ZNF385D: variants seen among roughly 807,000 people sequenced by gnomAD.
The protein encoded by ZNF385D is zinc finger protein 659.
Under a neutral mutation model 35.8 loss-of-function variants are expected in ZNF385D, and 15 were observed. The observed-to-expected ratio is 0.42, with a 90% CI of 0.28 to 0.64. ZNF385D has a LOEUF of 0.64. Among genes scored for constraint, ZNF385D ranks in the 30% least tolerant of loss-of-function variants. The probability of loss-of-function intolerance (pLI) is 0.23; values close to 1 mark genes in which losing one functional copy is unlikely to be tolerated. For synonymous variants in ZNF385D, 212 were observed against 186.8 expected, an observed-to-expected ratio of 1.13 and a Z score of -1.10; for missense variants, 474 against 494.6, an observed-to-expected ratio of 0.96 and a Z score of 0.39.
intron 3 of ZNF385D, among the ~76,000 whole-genome samples, chr3:21,852,673 T>G (rs1041344135): frequency 6.6e-6 from 1 of 151,906 alleles, no homozygotes; most frequent in Non-Finnish European, 1.5e-5. Flanking sequence ...ACAAGATGAT[T>G]ATGTCATTAC....
At chr3:21,924,670 T>C (rs972675086) in intron 3 of ZNF385D, among the ~76,000 whole-genome samples, 4 of 152,124 alleles carry the variant, frequency 2.6e-5, no homozygotes, top group African/African-American at 7.2e-5. Flanking sequence ...CATTCATCTC[T>C]ATCCAGGGAG....
At chr3:22,343,105 T>G (rs929645314) in intron 2 of ZNF385D, among the ~76,000 whole-genome samples, 2 of 152,252 alleles carry the variant, frequency 1.3e-5, no homozygotes, top group African/African-American at 4.8e-5. Flanking sequence ...GGTTAAAGTA[T>G]TTACATTTTC....
chr3:21,422,422 T>G (rs1463739676), intron 7 of ZNF385D, among the ~76,000 whole-genome samples: 1 of 152,224 alleles, frequency 6.6e-6, no homozygotes, highest in Non-Finnish European at 1.5e-5. Context: ...GGTAAATTTG[T>G]GTCATGCCTT....
intron 2 of ZNF385D, among the ~76,000 whole-genome samples, chr3:21,644,341 T>C (rs1279195590): frequency 6.6e-6 from 1 of 152,144 alleles, no homozygotes; most frequent in African/African-American, 2.4e-5. Flanking sequence ...CCAGAGACTC[T>C]CCCCATAGCT....
intron 3 of ZNF385D, among the ~76,000 whole-genome samples, chr3:22,096,677 C>G (rs571734699): frequency 6.6e-6 from 1 of 152,070 alleles, no homozygotes; most frequent in Non-Finnish European, 1.5e-5. Flanking sequence ...TGCACAATCT[C>G]TTTGTGATGC....
intron 3 of ZNF385D, among the ~76,000 whole-genome samples, chr3:21,833,727 G>A (rs1575742688): frequency 6.6e-6 from 1 of 152,238 alleles, no homozygotes; most frequent in African/African-American, 2.4e-5. Context: ...CAAATGCTAC[G>A]CTCTATAACT....
chr3:21,916,891 A>T (rs1369187711), intron 3 of ZNF385D, among the ~76,000 whole-genome samples: 1 of 152,212 alleles, frequency 6.6e-6, no homozygotes, highest in African/African-American at 2.4e-5. Flanking sequence ...GAATTACCCT[A>T]TGGAAAGATA....
At chr3:21,655,925 AT>A (rs2066057635) in intron 2 of ZNF385D, among the ~76,000 whole-genome samples, 1 of 152,064 alleles carries the variant, frequency 6.6e-6, no homozygotes, top group Non-Finnish European at 1.5e-5. Context: ...AATAATGGGT[AT>A]AAAAATGTTT....
chr3:21,794,162 C>G (rs1008195761), intron 3 of ZNF385D, among the ~76,000 whole-genome samples: 31 of 152,116 alleles, frequency 2.0e-4, no homozygotes, highest in African/African-American at 2.7e-4. Flanking sequence ...AGGAAGGCAC[C>G]TGATCTCTAC....
intron 3 of ZNF385D, among the ~76,000 whole-genome samples, chr3:22,091,631 T>A (rs1030981431): frequency 6.6e-6 from 1 of 151,970 alleles, no homozygotes; most frequent in African/African-American, 2.4e-5. Flanking sequence ...AACCCTGACA[T>A]AAATGGAAAC....
At chr3:21,603,834 A>G (rs1382881292) in intron 2 of ZNF385D, among the ~76,000 whole-genome samples, 1 of 152,142 alleles carries the variant, frequency 6.6e-6, no homozygotes, top group Non-Finnish European at 1.5e-5. Context: ...CAGGGATGGT[A>G]GAAGGATTGT....
At chr3:21,574,571 CATG>C (rs1455215756) in intron 2 of ZNF385D, among the ~76,000 whole-genome samples, 1 of 152,014 alleles carries the variant, frequency 6.6e-6, no homozygotes, top group African/African-American at 2.4e-5. Flanking sequence ...ATCATTGTGG[CATG>C]ATTGTGTGCT....
At chr3:22,264,736 T>A (rs764289235) in intron 2 of ZNF385D, among the ~76,000 whole-genome samples, 3 of 152,024 alleles carry the variant, frequency 2.0e-5, no homozygotes, top group Admixed American at 6.6e-5. Context: ...TGAATACTTG[T>A]TGCATGATCT....
At chr3:22,362,423 A>G (rs890788781) in intron 2 of ZNF385D, among the ~76,000 whole-genome samples, 1 of 152,130 alleles carries the variant, frequency 6.6e-6, no homozygotes, top group South Asian at 2.1e-4. Flanking sequence ...GAAAAACTGT[A>G]TATTGAAAGC....
intron 3 of ZNF385D, among the ~76,000 whole-genome samples, chr3:22,087,841 G>T (rs1468449708): frequency 6.6e-6 from 1 of 152,130 alleles, no homozygotes; most frequent in Admixed American, 6.6e-5. Flanking sequence ...CAGAGTATAG[G>T]AATGATTATC....
intron 2 of ZNF385D, among the ~76,000 whole-genome samples, chr3:22,317,007 G>A (rs570849617): frequency 6.6e-6 from 1 of 151,942 alleles, no homozygotes; most frequent in Non-Finnish European, 1.5e-5. Context: ...GTGGGGAGCA[G>A]TGACTCACCC....
At chr3:22,000,698 A>C (rs1161935532) in intron 3 of ZNF385D, among the ~76,000 whole-genome samples, 1 of 152,178 alleles carries the variant, frequency 6.6e-6, no homozygotes, top group African/African-American at 2.4e-5. Flanking sequence ...GACTAATAGC[A>C]GATTAATAGC....
intron 3 of ZNF385D, among the ~76,000 whole-genome samples, chr3:21,921,276 A>G (rs1311005491): frequency 3.3e-5 from 5 of 151,596 alleles, no homozygotes; most frequent in Admixed American, 6.6e-5. Flanking sequence ...TAAATGGCAT[A>G]TTTAACCACA....
intron 3 of ZNF385D, among the ~76,000 whole-genome samples, chr3:22,025,840 G>T (rs569754341): frequency 6.6e-6 from 1 of 152,140 alleles, no homozygotes; most frequent in Non-Finnish European, 1.5e-5. Flanking sequence ...CTGCATCTTC[G>T]AAGAGCCCTG....
Sources: gnomAD v4.1 joint callset for allele counts (sites outside exome capture counted in the v4.1 genomes callset) on GRCh38, gnomAD v4.1.1 for gene constraint, MANE v1.5 for transcripts, NCBI Gene and HGNC (gene_info 2026-07-23, HGNC 2026-07-21) for gene names.